SNTG2: variants seen among roughly 807,000 people sequenced by gnomAD.
SNTG2 encodes syntrophin gamma 2.
Under a neutral mutation model 70.9 loss-of-function variants are expected in SNTG2, and 74 were observed. That is an observed-to-expected ratio of 1.04 (90% CI 0.86 to 1.27). The LOEUF is 1.27. Among genes scored for constraint, SNTG2 ranks in the 50% most tolerant of loss-of-function variants. The pLI is 0.00. For missense variants in SNTG2, 717 were observed against 690.7 expected (o/e 1.04, Z -0.43); for synonymous variants, 278 against 273.8 (o/e 1.02, Z -0.15).
intron 16 of SNTG2, among the ~76,000 whole-genome samples, chr2:1,328,607 GAGAC>G (rs1214638186): frequency 3.3e-5 from 5 of 152,168 alleles, no homozygotes. Flanking sequence ...GATCTTAGAG[GAGAC>G]AGATGGAGGA....
At chr2:1,138,110 G>A (rs1218858053) in intron 6 of SNTG2, among the ~76,000 whole-genome samples, 6 of 152,188 alleles carry the variant, frequency 3.9e-5, no homozygotes, top group Non-Finnish European at 7.3e-5. Flanking sequence ...TGACTCACCC[G>A]GGATTCCTGA....
chr2:1,037,611 A>C (rs545048590), intron 1 of SNTG2, among the ~76,000 whole-genome samples: 1 of 152,158 alleles, frequency 6.6e-6, no homozygotes, highest in East Asian at 1.9e-4. Flanking sequence ...CTGGTGCTTT[A>C]TATACACAGA....
chr2:1,119,839 A>T (rs1667271535), intron 4 of SNTG2, among the ~76,000 whole-genome samples: 1 of 152,180 alleles, frequency 6.6e-6, no homozygotes, highest in South Asian at 2.1e-4. Flanking sequence ...CACCTTGAAT[A>T]TTACAAATAA....
At chr2:1,164,810 G>C (rs759109402) in intron 6 of SNTG2, among the ~76,000 whole-genome samples, 1 of 152,086 alleles carries the variant, frequency 6.6e-6, no homozygotes, top group Non-Finnish European at 1.5e-5. Flanking sequence ...GTGTAGAGGA[G>C]AGGGCGGGTG....
At chr2:1,155,039 ATACACAC>A (rs1669776208) in intron 6 of SNTG2, among the ~76,000 whole-genome samples, 1 of 151,702 alleles carries the variant, frequency 6.6e-6, no homozygotes, top group African/African-American at 2.4e-5. Context: ...CATACCACAC[ATACACAC>A]CACACACATA....
intron 4 of SNTG2, among the ~76,000 whole-genome samples, chr2:1,119,891 T>A (rs1336760955): frequency 1.3e-5 from 2 of 152,118 alleles, no homozygotes; most frequent in African/African-American, 4.8e-5. Context: ...CTATCAATAA[T>A]CACTTTGAAT....
At chr2:1,049,721 T>C (rs10221762) in intron 1 of SNTG2, among the ~76,000 whole-genome samples, 128,208 of 152,170 alleles carry the variant, frequency 0.84, 54,414 homozygotes, top group Middle Eastern at 0.89. Flanking sequence ...ACTGCCACAC[T>C]GTCTTCCAAC....
rs1659933035 is a variant in SNTG2, at chr2:950,956, C to T, written c.-41C>T. 2.7e-6 allele frequency: 3 copies of T among 1,126,882 alleles called. No individual in the cohort carries two copies. The highest frequency in any genetic ancestry group is 3.3e-6 in the Non-Finnish European group (3 of 897,676). The allele number at this position is 1,126,882 out of a possible 1,614,324, so 69.8% of individuals were successfully genotyped here. A position where few individuals can be genotyped will look rare whatever the true frequency, so the allele number is the denominator to read the frequency against. On this transcript the variant is annotated 5_prime_UTR_variant, in exon 1 of 17. Coordinates refer to ENST00000308624, the MANE Select transcript of SNTG2 (RefSeq NM_018968.4). Reference sequence around the variant, plus strand: ...GCTCGGACGGGGTCCTGGCGTTGAGCTCGGCCGGCCCGGAGCGCGGACCCA... The same window carrying T: ...GCTCGGACGGGGTCCTGGCGTTGAGTTCGGCCGGCCCGGAGCGCGGACCCA...
chr2:1,045,126 T>A (rs1236665846), intron 1 of SNTG2, among the ~76,000 whole-genome samples: 1 of 152,102 alleles, frequency 6.6e-6, no homozygotes, highest in African/African-American at 2.4e-5. Flanking sequence ...CTTGATAGAT[T>A]GCAAGTTTCC....
intron 2 of SNTG2, among the ~76,000 whole-genome samples, chr2:1,089,492 G>A (rs533434409): frequency 9.9e-5 from 15 of 152,128 alleles, no homozygotes; most frequent in Non-Finnish European, 1.8e-4. Context: ...AAAATTAGTC[G>A]GGTGTGATGG....
chr2:1,117,383 A>ATAGAAACAACTTTTACTATTATC (rs1667083517), intron 4 of SNTG2, among the ~76,000 whole-genome samples: 2 of 152,186 alleles, frequency 1.3e-5, no homozygotes, highest in Non-Finnish European at 2.9e-5. Context: ...TTTAATTTTA[A>ATAGAAACAACTTTTACTATTATC]TAGAAACAAC....
In SNTG2 at chr2:965,111, C is replaced by T. The variant is rs1044841729; in HGVS notation, c.72+14043C>T. On this transcript the variant is annotated intron_variant, in intron 1 of 16. Coordinates refer to ENST00000308624, the MANE Select transcript of SNTG2 (RefSeq NM_018968.4). ...CTGGACTCCAGTTCTCCTCCTTGGA[C>T]CCCAGTCCTCCTCCTTGGACCCCAA... Among the ~76,000 whole-genome samples, 17 of 150,616 alleles carry T rather than the reference C, an allele frequency of 1.1e-4. No homozygotes were observed. The East Asian group carries it at 1.2e-3, about 11-fold the overall frequency.
At chr2:1,357,972 A>G (rs956577053) in intron 16 of SNTG2, among the ~76,000 whole-genome samples, 3 of 152,028 alleles carry the variant, frequency 2.0e-5, no homozygotes, top group Non-Finnish European at 4.4e-5. Flanking sequence ...TTTATTTCTT[A>G]TACTTTTGGA....
intron 2 of SNTG2, among the ~76,000 whole-genome samples, chr2:1,094,765 G>C: frequency 2.5e-5 from 1 of 40,070 alleles, no homozygotes; most frequent in East Asian, 1.0e-3. Flanking sequence ...GTCCTCATAT[G>C]GTAGAGTTAC....
intron 1 of SNTG2, among the ~76,000 whole-genome samples, chr2:1,002,440 C>T (rs887295081): frequency 6.6e-6 from 1 of 151,886 alleles, no homozygotes; most frequent in African/African-American, 2.4e-5. Context: ...CAAAAGTAGG[C>T]AAAAGACATG....
intron 14 of SNTG2, among the ~76,000 whole-genome samples, chr2:1,294,746 T>C (rs954436345): frequency 1.3e-5 from 2 of 152,160 alleles, no homozygotes; most frequent in Admixed American, 1.3e-4. Flanking sequence ...TGATGAGAAA[T>C]TATTGAACAA....
At chr2:1,033,541 T>C (rs575099950) in intron 1 of SNTG2, among the ~76,000 whole-genome samples, 1 of 152,284 alleles carries the variant, frequency 6.6e-6, no homozygotes, top group East Asian at 1.9e-4. Context: ...TGTTAAAATA[T>C]CATAAAGCTT....
At position 1,040,286 on chromosome 2, in the gene SNTG2, C is replaced by A. The variant is rs565636895; in HGVS notation, c.73-43232C>A. 4.3e-4 allele frequency among the ~76,000 whole-genome samples: 66 copies of A among 152,304 alleles called. 1 individual carries two copies. The highest frequency in any genetic ancestry group is 1.5e-3 in the African/African-American group (62 of 41,562). On this transcript the variant is annotated intron_variant, in intron 1 of 16. Transcript: ENST00000308624. Reference sequence around the variant, plus strand: ...CCAGGCATGGGGAGTTTTGAAGCTTCCCAGGCCATTCCACTGGGGACCCCA... The same window carrying A: ...CCAGGCATGGGGAGTTTTGAAGCTTACCAGGCCATTCCACTGGGGACCCCA...
At chr2:996,673 G>GTTTTTGTTTTTTTTTT (rs1661690738) in intron 1 of SNTG2, among the ~76,000 whole-genome samples, 1 of 35,114 alleles carries the variant, frequency 2.8e-5, no homozygotes, top group Admixed American at 3.8e-4. Flanking sequence ...GAGTTACCCA[G>GTTTTTGTTTTTTTTTT]TTTTTTTTTT....
Sources: gnomAD v4.1 joint callset for allele counts (sites outside exome capture counted in the v4.1 genomes callset) on GRCh38, gnomAD v4.1.1 for gene constraint, MANE v1.5 for transcripts, NCBI Gene and HGNC (gene_info 2026-07-23, HGNC 2026-07-21) for gene names.